TTBK2: variants seen among roughly 807,000 people sequenced by gnomAD.
TTBK2 encodes the protein tau-tubulin kinase 2.
A neutral mutation model predicts 110.8 loss-of-function variants in TTBK2; 28 were observed. The ratio of observed to expected loss-of-function variants is 0.25; its 90% CI spans 0.19 to 0.35. The LOEUF (loss-of-function observed/expected upper bound fraction) is 0.35. TTBK2 is among the 10% of genes least tolerant of loss of function. The pLI is 1.00. For synonymous variants in TTBK2, 532 were observed against 527.3 expected (o/e 1.01, Z -0.12); for missense variants, 1,369 against 1,500.3 (o/e 0.91, Z 1.45).
chr15:42,754,472 C>T (rs7169231), intron 13 of TTBK2, among the ~76,000 whole-genome samples: 9,101 of 151,284 alleles, frequency 0.06, 616 homozygotes, highest in African/African-American at 0.18. Context: ...CTTGGCTCAC[C>T]GCAACCTCCG....
At chr15:42,840,900 T>C (rs1343486338) in intron 3 of TTBK2, among the ~76,000 whole-genome samples, 3 of 152,156 alleles carry the variant, frequency 2.0e-5, no homozygotes, top group Admixed American at 2.0e-4. Flanking sequence ...AGCCCAGTGA[T>C]TTTCAACCTG....
chr15:42,753,894 A>G (rs2061904439), intron 13 of TTBK2, among the ~76,000 whole-genome samples: 1 of 152,076 alleles, frequency 6.6e-6, no homozygotes, highest in South Asian at 2.1e-4. Context: ...TATGCCATCT[A>G]TTTTCTGCCA....
chr15:42,828,551 T>C (rs1019546153), intron 5 of TTBK2, among the ~76,000 whole-genome samples: 6 of 141,090 alleles, frequency 4.3e-5, no homozygotes, highest in Non-Finnish European at 7.8e-5. Flanking sequence ...CCGTTTCTAC[T>C]AAAAAAAAAA....
chr15:42,834,734 G>C (rs1892920537), intron 4 of TTBK2, among the ~76,000 whole-genome samples: 1 of 152,094 alleles, frequency 6.6e-6, no homozygotes. Context: ...AAAATTCGCT[G>C]GGTATGGTGG....
chr15:42,763,165 T>TATATAC (rs1889141402), intron 13 of TTBK2, among the ~76,000 whole-genome samples: 2 of 12,768 alleles, frequency 1.6e-4, no homozygotes, highest in Non-Finnish European at 2.9e-4. Context: ...TACATATATA[T>TATATAC]ATATATATAT....
chr15:42,887,105 A>C (rs573735520), intron 1 of TTBK2, among the ~76,000 whole-genome samples: 1 of 152,288 alleles, frequency 6.6e-6, no homozygotes, highest in South Asian at 2.1e-4. Flanking sequence ...CCTTGCCTTC[A>C]TAAGTGTTGT....
intron 3 of TTBK2, 34 bp from the exon 4 acceptor site, chr15:42,840,467 T>C (rs1301297373): frequency 7.7e-6 from 12 of 1,562,602 alleles, no homozygotes; most frequent in Non-Finnish European, 9.7e-6. Flanking sequence ...GAAAAGAATA[T>C]ACTATGGTTT....
chr15:42,788,759 GGT>G (rs1161905290), intron 10 of TTBK2, among the ~76,000 whole-genome samples: 1 of 151,626 alleles, frequency 6.6e-6, no homozygotes, highest in East Asian at 1.9e-4. Flanking sequence ...ACTTTTTTTA[GGT>G]GTGTGTCTCT....
At chr15:42,793,371 T>G (rs909588286) in intron 10 of TTBK2, among the ~76,000 whole-genome samples, 2 of 152,220 alleles carry the variant, frequency 1.3e-5, no homozygotes, top group African/African-American at 4.8e-5. Flanking sequence ...CAACAAGTTC[T>G]AGTGATCCCA....
At chr15:42,848,835 T>C (rs1893577326) in intron 3 of TTBK2, among the ~76,000 whole-genome samples, 1 of 152,224 alleles carries the variant, frequency 6.6e-6, no homozygotes, top group African/African-American at 2.4e-5. Context: ...ATGTACTTCT[T>C]TTGGAGTTAC....
chr15:42,886,325 C>A (rs1895245188), intron 1 of TTBK2, among the ~76,000 whole-genome samples: 2 of 152,310 alleles, frequency 1.3e-5, no homozygotes, highest in South Asian at 4.1e-4. Flanking sequence ...CTAGCCCTCT[C>A]CCACCTGCCC....
At chr15:42,814,316 T>C (rs1891851405) in intron 7 of TTBK2, among the ~76,000 whole-genome samples, 1 of 152,210 alleles carries the variant, frequency 6.6e-6, no homozygotes, top group South Asian at 2.1e-4. Flanking sequence ...TGGTGGCTCA[T>C]GCATGTAATC....
rs1436042664 is a variant in TTBK2 at position 42,770,976 on chromosome 15, C to CT, written c.1998+4158dup. 6.5e-4 allele frequency among the ~76,000 whole-genome samples: 90 copies of CT among 139,070 alleles called. 1 individual carries two copies. Among genetic ancestry groups the CT allele is most frequent in the South Asian group, 1.3e-3 (6 of 4,536 alleles). 91.2% of individuals were successfully genotyped at this position (139,070 alleles called of 152,430 possible). On this transcript the variant is annotated intron_variant, in intron 13 of 14. Transcript: ENST00000267890. ...TGGAACTATTTCTTTTTTTTCTTTC[C>CT]TTTTTTTTTTTCTTTGACACAGAGT...
intron 13 of TTBK2, among the ~76,000 whole-genome samples, chr15:42,766,446 C>CAAAAA (rs567972612): frequency 0.014 from 430 of 30,524 alleles, 46 homozygotes; most frequent in African/African-American, 0.048. Context: ...GAATGGAAAG[C>CAAAAA]AAAAAAAAAA....
chr15:42,911,750 G>A (rs995262137), intron 1 of TTBK2, among the ~76,000 whole-genome samples: 6 of 152,166 alleles, frequency 3.9e-5, no homozygotes, highest in African/African-American at 9.7e-5. Flanking sequence ...AAATTTTGAG[G>A]TGCTTTGTTT....
chr15:42,892,403 T>C (rs929798656), intron 1 of TTBK2, among the ~76,000 whole-genome samples: 1 of 152,050 alleles, frequency 6.6e-6, no homozygotes, highest in Non-Finnish European at 1.5e-5. Flanking sequence ...TATTTATTAT[T>C]TGGACCTTTA....
At position 42,920,500 on chromosome 15, in the gene TTBK2, C is replaced by CGGCGGGGGTTAACCCTCGGCA. The variant is rs1567096516; in HGVS notation, c.-151_-131dup. 6.6e-6 allele frequency: 1 copy of CGGCGGGGGTTAACCCTCGGCA among 152,506 alleles called. No individual in the cohort carries two copies. Among genetic ancestry groups the CGGCGGGGGTTAACCCTCGGCA allele is most frequent in the African/African-American group, 2.4e-5 (1 of 41,434 alleles). 9.4% of individuals were successfully genotyped at this position (152,506 alleles called of 1,614,324 possible). Reference sequence around the variant, plus strand: ...CTCTGGTCCAGCTCAGGACCGGGACCGGCGGGGGTTAACCCTCGGCAGGCG... The same window carrying CGGCGGGGGTTAACCCTCGGCA: ...CTCTGGTCCAGCTCAGGACCGGGACCGGCGGGGGTTAACCCTCGGCAGGCGGGGGTTAACCCTCGGCAGGCG... On this transcript the variant is annotated 5_prime_UTR_variant, in exon 1 of 15. Coordinates refer to ENST00000267890, the MANE Select transcript of TTBK2 (RefSeq NM_173500.4).
chr15:42,887,930 A>G, intron 1 of TTBK2, among the ~76,000 whole-genome samples: 1 of 117,128 alleles, frequency 8.5e-6, no homozygotes, highest in South Asian at 2.7e-4. Context: ...ATGAAAACAC[A>G]CGTGCTCTCC....
intron 9 of TTBK2, among the ~76,000 whole-genome samples, chr15:42,797,992 T>C (rs1036173780): frequency 6.6e-5 from 10 of 152,214 alleles, no homozygotes; most frequent in Admixed American, 6.5e-5. Context: ...CAAGCGACTC[T>C]CCTGCCTCAG....
Sources: gnomAD v4.1 joint callset for allele counts (sites outside exome capture counted in the v4.1 genomes callset) on GRCh38, gnomAD v4.1.1 for gene constraint, MANE v1.5 for transcripts, NCBI Gene and HGNC (gene_info 2026-07-23, HGNC 2026-07-21) for gene names.